Variants in PTPRD observed in about 807,000 individuals in gnomAD.
PTPRD encodes receptor-type tyrosine-protein phosphatase delta.
PTPRD carries 34 observed loss-of-function variants against 214.5 expected under a neutral mutation model. That is an observed-to-expected ratio of 0.16 (90% confidence interval 0.12 to 0.21). The LOEUF (loss-of-function observed/expected upper bound fraction) is 0.21, where lower values mean the gene tolerates loss of function less well. Ranked by LOEUF, PTPRD falls within the 10% of genes least tolerant of loss-of-function variation. PTPRD has a pLI of 1.00. For synonymous variants in PTPRD, 1,128 were observed against 845.7 expected, an observed-to-expected ratio of 1.33 and a Z score of -5.79; for missense variants, 2,545 against 2,398.7, an observed-to-expected ratio of 1.06 and a Z score of -1.27.
At chr9:9,581,970 G>A (rs780167227) in intron 7 of PTPRD, among the ~76,000 whole-genome samples, 1 of 152,096 alleles carries the variant, frequency 6.6e-6, no homozygotes, top group Non-Finnish European at 1.5e-5. Context: ...GGTTACTAAT[G>A]TTTAATAACT....
intron 11 of PTPRD, among the ~76,000 whole-genome samples, chr9:8,794,122 C>A (rs952788852): frequency 6.6e-6 from 1 of 150,694 alleles, no homozygotes; most frequent in Non-Finnish European, 1.5e-5. Flanking sequence ...AGCAGCAATG[C>A]ATTTTTTCCC....
intron 10 of PTPRD, among the ~76,000 whole-genome samples, chr9:9,032,567 G>A (rs2099609037): frequency 6.6e-6 from 1 of 151,866 alleles, no homozygotes; most frequent in South Asian, 2.1e-4. Context: ...TTCTGTACCT[G>A]TGGGTCATGC....
intron 11 of PTPRD, among the ~76,000 whole-genome samples, chr9:9,013,490 T>C (rs958233770): frequency 2.6e-4 from 40 of 152,178 alleles, no homozygotes; most frequent in African/African-American, 9.7e-4. Flanking sequence ...AGTGTTTTTT[T>C]GTGTGTTTGT....
intron 3 of PTPRD, among the ~76,000 whole-genome samples, chr9:10,165,682 A>C (rs1481967192): frequency 1.3e-5 from 2 of 151,700 alleles, no homozygotes; most frequent in Non-Finnish European, 3.0e-5. Context: ...TAGTTGATGA[A>C]TGAATTAAAA....
At chr9:8,340,281 A>C (rs962639562) in intron 42 of PTPRD, 62 bp downstream of exon 42, 3 of 1,487,698 alleles carry the variant, frequency 2.0e-6, no homozygotes, top group Non-Finnish European at 2.7e-6. Context: ...ATTGAAACAA[A>C]GTCTTCATTT....
intron 4 of PTPRD, among the ~76,000 whole-genome samples, chr9:9,980,020 T>G (rs1302652359): frequency 6.6e-6 from 1 of 152,116 alleles, no homozygotes; most frequent in African/African-American, 2.4e-5. Context: ...ATAAATTGAA[T>G]AAAAGGGCAA....
chr9:10,308,655 T>C (rs1272402130), intron 3 of PTPRD, among the ~76,000 whole-genome samples: 11 of 152,126 alleles, frequency 7.2e-5, no homozygotes. Flanking sequence ...TTGGGAGGTA[T>C]AGTCATGTTA....
rs149675619 is a variant in PTPRD at position 9,380,216 on chromosome 9, C to T, written c.-203+17233G>A. Among the ~76,000 whole-genome samples the T allele has an allele frequency of 4.2e-3, 637 of 152,194 alleles. 3 individuals are homozygous for T. The highest frequency in any genetic ancestry group is 0.014 in the African/African-American group (602 of 41,560). ...TACTGAGAGTTTTAATCATGCTAGA[C>T]ATCTCTCTAGACACTACTTTCACTG... is the stretch of plus-strand genomic sequence containing the variant. On this transcript the variant is annotated intron_variant, in intron 9 of 45. Transcript: ENST00000381196.
chr9:8,474,563 C>G (rs558041405), intron 30 of PTPRD, among the ~76,000 whole-genome samples: 1 of 152,216 alleles, frequency 6.6e-6, no homozygotes, highest in South Asian at 2.1e-4. Context: ...AATCAGCAAC[C>G]CCAGTTAGGC....
At chr9:10,293,428 A>C (rs1490056998) in intron 3 of PTPRD, among the ~76,000 whole-genome samples, 2 of 152,002 alleles carry the variant, frequency 1.3e-5, no homozygotes, top group Non-Finnish European at 1.5e-5. Flanking sequence ...GAGGAGATCC[A>C]GCATTTGATA....
intron 9 of PTPRD, among the ~76,000 whole-genome samples, chr9:9,348,642 G>T (rs1262092401): frequency 1.3e-5 from 2 of 152,094 alleles, no homozygotes; most frequent in African/African-American, 2.4e-5. Context: ...GTAAGAGTTT[G>T]TACCCAAGTA....
chr9:10,354,683 T>C (rs1016157760), intron 2 of PTPRD, among the ~76,000 whole-genome samples: 1 of 152,168 alleles, frequency 6.6e-6, no homozygotes, highest in East Asian at 1.9e-4. Context: ...ACTAGAAGGA[T>C]TATATGAGGA....
Position 10,512,769 on chromosome 9 carries a change from T to C in PTPRD, c.-600+99629A>G, listed in dbSNP as rs73394402. ...AATAAAAATCACACAAAAGGTTTGA[T>C]AAGCACATTAAGGACCAACCTAAGG... On this transcript the variant is annotated intron_variant, in intron 2 of 45. Transcript: ENST00000381196. Among the ~76,000 whole-genome samples the C allele has an allele frequency of 6.7e-3, 1,014 of 152,206 alleles. 12 individuals carry two copies. The highest frequency in any genetic ancestry group is 0.023 in the African/African-American group (976 of 41,550).
intron 14 of PTPRD, among the ~76,000 whole-genome samples, chr9:8,566,479 GT>G (rs1170444006): frequency 1.3e-5 from 2 of 152,102 alleles, no homozygotes; most frequent in East Asian, 3.9e-4. Context: ...AATATCCTCA[GT>G]ATGAAACAGC....
At chr9:9,177,783 G>C (rs1349960375) in intron 10 of PTPRD, among the ~76,000 whole-genome samples, 1 of 151,988 alleles carries the variant, frequency 6.6e-6, no homozygotes, top group Non-Finnish European at 1.5e-5. Context: ...CTATAAAAAT[G>C]GCTTTGTACT....
chr9:8,779,610 T>A (rs1022745892), intron 11 of PTPRD, among the ~76,000 whole-genome samples: 14 of 152,262 alleles, frequency 9.2e-5, no homozygotes, highest in African/African-American at 3.4e-4. Flanking sequence ...TCCCTGCTCC[T>A]CTCTCCCTCA....
intron 11 of PTPRD, among the ~76,000 whole-genome samples, chr9:8,759,032 G>GTTT (rs545532961): frequency 0.049 from 6,806 of 139,924 alleles, 383 homozygotes; most frequent in African/African-American, 0.14. Flanking sequence ...TTGGTTTTGG[G>GTTT]TTTTTTTTTT....
chr9:9,338,066 T>A (rs1002319388), intron 9 of PTPRD, among the ~76,000 whole-genome samples: 3 of 152,208 alleles, frequency 2.0e-5, no homozygotes, highest in Non-Finnish European at 4.4e-5. Flanking sequence ...AATTGCTCCA[T>A]TCAAATAAAA....
intron 39 of PTPRD, among the ~76,000 whole-genome samples, chr9:8,347,635 C>G (rs979332530): frequency 6.6e-6 from 1 of 152,124 alleles, no homozygotes; most frequent in African/African-American, 2.4e-5. Flanking sequence ...TGTTGAAACG[C>G]TAACCCCCAG....
Sources: allele counts gnomAD v4.1 joint callset (sites outside exome capture counted in the v4.1 genomes callset), GRCh38; gene constraint gnomAD v4.1.1; transcripts MANE v1.5; gene names NCBI Gene and HGNC (gene_info 2026-07-23, HGNC 2026-07-21).